Variants in NCAPH observed in about 807,000 individuals in gnomAD.
NCAPH encodes the protein condensin complex subunit 2.
Under a neutral mutation model 85.5 loss-of-function variants are expected in NCAPH, and 38 were observed. The observed-to-expected ratio is 0.44, with a 90% CI of 0.34 to 0.58. The LOEUF is 0.58. NCAPH is among the 20% of genes least tolerant of loss of function. NCAPH has a pLI of 0.01. For synonymous variants in NCAPH, 301 were observed against 335.1 expected (o/e 0.90, Z 1.11); for missense variants, 789 against 916.6 (o/e 0.86, Z 1.80).
intron 5 of NCAPH, 150 bp downstream of exon 5, chr2:96,343,454 G>A: frequency 1.2e-6 from 1 of 866,050 alleles, no homozygotes; most frequent in Non-Finnish European, 1.6e-6. Flanking sequence ...GGTCTTACGT[G>A]AGAAGATACT....
At chr2:96,341,614 G>A in intron 1 of NCAPH, 28 bp from the exon 2 acceptor site, 1 of 1,602,064 alleles carries the variant, frequency 6.2e-7, no homozygotes, top group Non-Finnish European at 8.5e-7. Flanking sequence ...TTCTCTTGAA[G>A]GTTTCTTGAG....
chr2:96,353,442 A>C (rs1420779995), intron 8 of NCAPH, 45 bp downstream of exon 8: 1 of 1,550,874 alleles, frequency 6.4e-7, no homozygotes. Context: ...TAGTTGGCTC[A>C]AGAGTGGTCC....
Position 96,343,234 on chromosome 2 carries a change from T to A in NCAPH, c.525T>A (p.Asp175Glu). The A allele has an allele frequency of 6.2e-7, 1 of 1,614,142 alleles. No individual in the cohort carries two copies. The highest frequency in any genetic ancestry group is 8.5e-7 in the Non-Finnish European group (1 of 1,180,032). The change falls in exon 5 of 18, where the codon GAT becomes GAA. Residue 175 changes from aspartate (D) to glutamate (E), a missense_variant. By Grantham distance (45) the Asp-to-Glu change is conservative. Coordinates refer to ENST00000240423, the MANE Select transcript of NCAPH (RefSeq NM_015341.5). The stretch of plus-strand genomic sequence containing the variant: ...TGCGCGTGGATGCCGTCCATGCCGA[T>A]GTATACAGAGTCCTTGGGGGGCTGG... Reference protein sequence around the residue: ...YAVRVDAVHADVYRVLGGLGK... With the variant: ...YAVRVDAVHAEVYRVLGGLGK...
intron 15 of NCAPH, 44 bp from the exon 16 acceptor site, chr2:96,368,928 T>A: frequency 1.3e-6 from 2 of 1,520,142 alleles, no homozygotes; most frequent in Non-Finnish European, 1.8e-6. Flanking sequence ...CTTTCAAAAG[T>A]GCACTAGCCC....
At chr2:96,353,446 G>C in intron 8 of NCAPH, 49 bp downstream of exon 8, 1 of 1,531,074 alleles carries the variant, frequency 6.5e-7, no homozygotes, top group Middle Eastern at 1.7e-4. Flanking sequence ...TGGCTCAAGA[G>C]TGGTCCTGCC....
intron 13 of NCAPH, among the ~76,000 whole-genome samples, chr2:96,365,153 T>A (rs1260462867): frequency 6.6e-6 from 1 of 152,114 alleles, no homozygotes; most frequent in Non-Finnish European, 1.5e-5. Flanking sequence ...AGTCTACTGA[T>A]GAGATGGCTA....
Position 96,373,567 on chromosome 2 carries a change from A to G in NCAPH, c.*216A>G. 2.0e-6 allele frequency: 1 copy of G among 499,636 alleles called. No individual in the cohort carries two copies. Among genetic ancestry groups the G allele is most frequent in the South Asian group, 3.1e-5 (1 of 32,770 alleles). The allele number at this position is 499,636 out of a possible 1,614,324, so 31.0% of individuals were successfully genotyped here. ...TCAACTGATTAAACTTTACTGCCCT[A>G]TGGTGACCATCTAGGAGAGGGGAGG... On this transcript the variant is annotated 3_prime_UTR_variant, in exon 18 of 18. Transcript: ENST00000240423.
chr2:96,363,390 G>A (rs190382997), intron 12 of NCAPH, among the ~76,000 whole-genome samples: 2 of 152,286 alleles, frequency 1.3e-5, no homozygotes, highest in Admixed American at 6.5e-5. Flanking sequence ...GATGCAGTTA[G>A]AAGTTGTGTC....
chr2:96,361,452 C>T (rs778842824), intron 12 of NCAPH, among the ~76,000 whole-genome samples: 1 of 151,964 alleles, frequency 6.6e-6, no homozygotes, highest in African/African-American at 2.4e-5. Flanking sequence ...CCCAAGGTGA[C>T]ACACGGGCTC....
chr2:96,367,018 C>T (rs2064709839), intron 14 of NCAPH, among the ~76,000 whole-genome samples: 1 of 152,068 alleles, frequency 6.6e-6, no homozygotes, highest in Non-Finnish European at 1.5e-5. Context: ...ATCGCTTGAA[C>T]CCAGGAGGCG....
At chr2:96,338,241 GAAAAAA>G (rs34560390) in intron 1 of NCAPH, among the ~76,000 whole-genome samples, 1,031 of 80,834 alleles carry the variant, frequency 0.013, 17 homozygotes, top group East Asian at 0.098. Flanking sequence ...CTATTTTATT[GAAAAAA>G]AAAAAAAAAA....
At chr2:96,339,950 T>G (rs2064268577) in intron 1 of NCAPH, among the ~76,000 whole-genome samples, 1 of 152,094 alleles carries the variant, frequency 6.6e-6, no homozygotes, top group Non-Finnish European at 1.5e-5. Flanking sequence ...TGTGACAGAG[T>G]CTCACTCTGT....
chr2:96,349,121 C>A (rs2064402123), intron 6 of NCAPH, among the ~76,000 whole-genome samples: 1 of 152,110 alleles, frequency 6.6e-6, no homozygotes, highest in African/African-American at 2.4e-5. Context: ...TTAGCTTTTC[C>A]CATGATTATA....
intron 15 of NCAPH, 91 bp from the exon 16 acceptor site, chr2:96,368,881 A>G: frequency 1.7e-6 from 2 of 1,168,720 alleles, no homozygotes; most frequent in South Asian, 1.5e-5. Context: ...TTGTTTAGGT[A>G]TAGACTTTTT....
At chr2:96,339,289 C>A (rs2064258819) in intron 1 of NCAPH, among the ~76,000 whole-genome samples, 2 of 152,150 alleles carry the variant, frequency 1.3e-5, no homozygotes, top group South Asian at 4.1e-4. Context: ...TTCTCTCCAC[C>A]CTTTTACAGT....
chr2:96,350,531 G>A (rs1251730577), intron 6 of NCAPH, among the ~76,000 whole-genome samples: 1 of 152,182 alleles, frequency 6.6e-6, no homozygotes, highest in African/African-American at 2.4e-5. Flanking sequence ...TGGGAATTGG[G>A]AGAGGCCAGA....
chr2:96,345,991 T>A (rs1253975288), intron 6 of NCAPH, among the ~76,000 whole-genome samples: 1 of 152,172 alleles, frequency 6.6e-6, no homozygotes, highest in Non-Finnish European at 1.5e-5. Context: ...CCAAGAGTTT[T>A]GATTTTGTTT....
intron 14 of NCAPH, 85 bp from the exon 15 acceptor site, chr2:96,367,172 A>C (rs1158607672): frequency 1.1e-6 from 1 of 890,574 alleles, no homozygotes; most frequent in African/African-American, 1.7e-5. Flanking sequence ...TCTTTAGTTG[A>C]ACTCCAGACC....
At chr2:96,356,176 C>G (rs979844455) in intron 9 of NCAPH, among the ~76,000 whole-genome samples, 1 of 152,224 alleles carries the variant, frequency 6.6e-6, no homozygotes, top group Admixed American at 6.5e-5. Context: ...ATCTTAGACT[C>G]TATCCTACCT....
Sources: gnomAD v4.1 joint callset for allele counts (sites outside exome capture counted in the v4.1 genomes callset) on GRCh38, gnomAD v4.1.1 for gene constraint, MANE v1.5 for transcripts, NCBI Gene and HGNC (gene_info 2026-07-23, HGNC 2026-07-21) for gene names.